GRM1: variants seen among roughly 807,000 people sequenced by gnomAD.
GRM1 encodes the protein metabotropic glutamate receptor 1.
Under a neutral mutation model 90.9 loss-of-function variants are expected in GRM1, and 33 were observed. The observed-to-expected ratio is 0.36, with a 90% confidence interval of 0.28 to 0.49. GRM1 has a LOEUF of 0.49. Ranked by LOEUF, GRM1 falls within the 20% of genes least tolerant of loss-of-function variation. The pLI, the probability that GRM1 is intolerant of heterozygous loss-of-function variation, is 0.99. For missense variants in GRM1, 1,190 were observed against 1,534.3 expected (o/e 0.78, Z 3.75); for synonymous variants, 700 against 613.2 (o/e 1.14, Z -2.09).
intron 2 of GRM1, among the ~76,000 whole-genome samples, chr6:146,220,224 G>A (rs2114673598): frequency 6.6e-6 from 1 of 152,138 alleles, no homozygotes. Flanking sequence ...TGTAAATATA[G>A]GTAGTTACTT....
At chr6:146,053,720 G>A (rs1319445040) in intron 1 of GRM1, among the ~76,000 whole-genome samples, 1 of 151,974 alleles carries the variant, frequency 6.6e-6, no homozygotes, top group Non-Finnish European at 1.5e-5. Flanking sequence ...AACATCTGGG[G>A]ATATTGCAAA....
At chr6:146,401,297 A>G (rs1185786885) in intron 7 of GRM1, among the ~76,000 whole-genome samples, 1 of 152,162 alleles carries the variant, frequency 6.6e-6, no homozygotes, top group Non-Finnish European at 1.5e-5. Flanking sequence ...GATGTTGATC[A>G]TAAAAGTGGT....
chr6:146,159,572 G>C lies in GRM1; in HGVS notation c.925G>C (p.Val309Leu), dbSNP rs753190249. 3.1e-6 allele frequency: 5 copies of C among 1,613,194 alleles called. No individual in the cohort carries two copies. The part of the protein sequence containing the change: ...LLSAMRRLGV[V>L]GEFSLIGSDG... ...GAGCGCCATGCGGCGCCTTGGCGTCGTGGGCGAGTTCTCACTCATTGGAAG... is the reference window on the plus strand; with the variant it reads ...GAGCGCCATGCGGCGCCTTGGCGTCCTGGGCGAGTTCTCACTCATTGGAAG... The change falls in exon 2 of 8, where the codon GTG becomes CTG. Residue 309 changes from valine to leucine, a missense_variant. Around this residue, in one of 10 missense-constraint regions of GRM1, gnomAD observed 414 missense variants for 598.4 expected, o/e 0.69. Coordinates refer to ENST00000282753, the MANE Select transcript of GRM1 (RefSeq NM_001278064.2).
At position 146,435,504 on chromosome 6, in the gene GRM1, A is replaced by C. The variant is rs1333174498; in HGVS notation, c.*708A>C. 2 of 153,140 alleles carry C rather than the reference A, an allele frequency of 1.3e-5. No individual in the cohort carries two copies. Among genetic ancestry groups the C allele is most frequent in the Non-Finnish European group, 2.9e-5 (2 of 68,724 alleles). 9.5% of individuals were successfully genotyped at this position (153,140 alleles called of 1,614,324 possible). A position where few individuals can be genotyped will look rare whatever the true frequency, so the allele number is the denominator to read the frequency against. On this transcript the variant is annotated 3_prime_UTR_variant, in exon 8 of 8. Transcript: ENST00000282753. ...GCATGGACCCCCTGCTGCTCTGCAGATTCCCTTTATTTAGGAAAACAGGAA... is the reference window on the plus strand; with the variant it reads ...GCATGGACCCCCTGCTGCTCTGCAGCTTCCCTTTATTTAGGAAAACAGGAA...
At chr6:146,243,446 G>C (rs112565255) in intron 2 of GRM1, among the ~76,000 whole-genome samples, 1 of 151,986 alleles carries the variant, frequency 6.6e-6, no homozygotes, top group Non-Finnish European at 1.5e-5. Flanking sequence ...TTTCATGCCA[G>C]AATTATAGAA....
At chr6:146,425,749 C>T (rs1274789547) in intron 7 of GRM1, among the ~76,000 whole-genome samples, 1 of 152,198 alleles carries the variant, frequency 6.6e-6, no homozygotes, top group Non-Finnish European at 1.5e-5. Context: ...AGGCAGCCCG[C>T]TTATGTGGCA....
At chr6:146,385,173 A>ACAG (rs1181238289) in intron 5 of GRM1, among the ~76,000 whole-genome samples, 2 of 152,104 alleles carry the variant, frequency 1.3e-5, no homozygotes, top group Non-Finnish European at 2.9e-5. Flanking sequence ...CAGGATAAAC[A>ACAG]CAAAGAAGTC....
intron 1 of GRM1, among the ~76,000 whole-genome samples, chr6:146,143,381 G>C (rs1456680320): frequency 2.0e-5 from 3 of 152,176 alleles, no homozygotes; most frequent in Non-Finnish European, 4.4e-5. Context: ...ATCCCACCAA[G>C]CATAAGGTGG....
Position 146,365,452 on chromosome 6 carries a change from G to A in GRM1, c.1602+7758G>A, listed in dbSNP as rs533017420. 4 of 152,294 alleles carry A rather than the reference G, an allele frequency of 2.6e-5. No homozygotes were observed. In the South Asian group the frequency reaches 8.3e-4, roughly 32 times the overall value. 9.4% of individuals were successfully genotyped at this position (152,294 alleles called of 1,614,324 possible). ...GATCCAGCCCCTTCGTCACTTTCAG[G>A]GACAGATCCCCATGGAGAAATGCTG... On this transcript the variant is annotated intron_variant, in intron 5 of 7. Transcript: ENST00000282753.
intron 1 of GRM1, among the ~76,000 whole-genome samples, chr6:146,093,112 A>G (rs1201585087): frequency 6.6e-6 from 1 of 152,158 alleles, no homozygotes; most frequent in African/African-American, 2.4e-5. Flanking sequence ...TCCTGAGACT[A>G]GAGCCCATGT....
At chr6:146,367,710 C>T (rs1168954280) in intron 5 of GRM1, among the ~76,000 whole-genome samples, 2 of 152,118 alleles carry the variant, frequency 1.3e-5, no homozygotes, top group Admixed American at 6.6e-5. Flanking sequence ...AGGATGATGG[C>T]CTCCAGCTGC....
rs575736883 is a variant in GRM1 at position 146,202,961 on chromosome 6, C to A, written c.950+43364C>A. On this transcript the variant is annotated intron_variant, in intron 2 of 7. Coordinates refer to ENST00000282753, the MANE Select transcript of GRM1 (RefSeq NM_001278064.2). Reference sequence around the variant, plus strand: ...TTGTAATCCCAGCACTTTGGGAGGCCAAGGCGGGCGGATCACGAGGTCAGG... The same window carrying A: ...TTGTAATCCCAGCACTTTGGGAGGCAAAGGCGGGCGGATCACGAGGTCAGG... Among the ~76,000 whole-genome samples, 38 of 152,066 alleles carry A rather than the reference C, an allele frequency of 2.5e-4. 1 individual carries two copies. In the South Asian group the frequency reaches 7.9e-3, roughly 32 times the overall value.
chr6:146,279,990 T>C (rs1782507640), intron 2 of GRM1, among the ~76,000 whole-genome samples: 1 of 152,198 alleles, frequency 6.6e-6, no homozygotes, highest in East Asian at 1.9e-4. Context: ...TTTGTATTTA[T>C]CCTGCTAGGA....
intron 5 of GRM1, among the ~76,000 whole-genome samples, chr6:146,361,715 A>ACTTG (rs1324309833): frequency 1.3e-5 from 2 of 152,234 alleles, no homozygotes; most frequent in East Asian, 3.9e-4. Context: ...GGATTGAGTC[A>ACTTG]CTTGCCCCTA....
At chr6:146,423,095 T>C (rs906353646) in intron 7 of GRM1, among the ~76,000 whole-genome samples, 1 of 152,138 alleles carries the variant, frequency 6.6e-6, no homozygotes, top group African/African-American at 2.4e-5. Context: ...CTAAACTACT[T>C]CTGGGGTTTC....
rs9390380 is a variant in GRM1 at position 146,136,316 on chromosome 6, A to T, written c.701-23032A>T. 5.5e-3 allele frequency among the ~76,000 whole-genome samples: 842 copies of T among 152,290 alleles called. 19 individuals are homozygous for T. In the East Asian group the frequency reaches 0.096, roughly 17 times the overall value. On this transcript the variant is annotated intron_variant, in intron 1 of 7. Transcript: ENST00000282753. ...ATACCTAGAAGTGGGATGCTAGAAT[A>T]TATGGTAGCTCAGTTTTTAGTTTTT...
chr6:146,261,670 T>C (rs1321845942), intron 2 of GRM1, among the ~76,000 whole-genome samples: 3 of 152,144 alleles, frequency 2.0e-5, no homozygotes, highest in African/African-American at 4.8e-5. Context: ...TAAGCCTAAC[T>C]GCCTTATTAT....
chr6:146,090,482 A>G (rs577573152), intron 1 of GRM1, among the ~76,000 whole-genome samples: 1 of 152,248 alleles, frequency 6.6e-6, no homozygotes, highest in East Asian at 1.9e-4. Flanking sequence ...GCTAAGCTTG[A>G]GCTTCTCATA....
At chr6:146,270,908 TCTTTCTTCCTTCCTTCCTTC>T (rs1474388367) in intron 2 of GRM1, among the ~76,000 whole-genome samples, 4 of 104,394 alleles carry the variant, frequency 3.8e-5, no homozygotes, top group African/African-American at 1.5e-4. Flanking sequence ...TTTCTTTCTT[TCTTTCTTCCTTCCTTCCTTC>T]CTTCCTTCCT....
Sources: gnomAD v4.1 joint callset for allele counts (sites outside exome capture counted in the v4.1 genomes callset) on GRCh38, gnomAD v4.1.1 for gene constraint, gnomAD v4.1.1 regional missense constraint, MANE v1.5 for transcripts, NCBI Gene and HGNC (gene_info 2026-07-23, HGNC 2026-07-21) for gene names.